The following CAMKMT variants were observed in gnomAD, a reference collection of about 807,000 sequenced individuals.
The protein encoded by CAMKMT is CaM KMT.
In CAMKMT, 53 loss-of-function variants were observed where a neutral mutation model predicts 48.0. The ratio of observed to expected loss-of-function variants is 1.10; its 90% CI spans 0.89 to 1.39. The LOEUF (loss-of-function observed/expected upper bound fraction) is 1.39. CAMKMT is among the 40% of genes most tolerant of loss of function. The probability of loss-of-function intolerance (pLI) is 0.00; values close to 1 mark genes in which losing one functional copy is unlikely to be tolerated. For missense variants in CAMKMT, 428 were observed against 402.7 expected (o/e 1.06, Z -0.54); for synonymous variants, 165 against 152.3 (o/e 1.08, Z -0.61).
At chr2:44,522,904 A>G (rs1339200520) in intron 3 of CAMKMT, among the ~76,000 whole-genome samples, 1 of 152,202 alleles carries the variant, frequency 6.6e-6, no homozygotes. Context: ...TTCCTTAGCT[A>G]GATCACAAAT....
At chr2:44,409,481 G>C (rs555916689) in intron 3 of CAMKMT, among the ~76,000 whole-genome samples, 1 of 152,132 alleles carries the variant, frequency 6.6e-6, no homozygotes, top group South Asian at 2.1e-4. Flanking sequence ...TCTAAAAGTA[G>C]ATGTTATTGC....
intron 3 of CAMKMT, among the ~76,000 whole-genome samples, chr2:44,612,297 G>A (rs1206337447): frequency 6.6e-6 from 1 of 152,146 alleles, no homozygotes; most frequent in Non-Finnish European, 1.5e-5. Flanking sequence ...GGGAGTAGCT[G>A]TCAACATGTG....
At chr2:44,574,310 G>A (rs1207207678) in intron 3 of CAMKMT, among the ~76,000 whole-genome samples, 2 of 152,196 alleles carry the variant, frequency 1.3e-5, no homozygotes, top group Non-Finnish European at 1.5e-5. Context: ...GGGTAGGTAT[G>A]TTGAATAAGT....
chr2:44,693,792 T>C (rs1303427034), intron 3 of CAMKMT, among the ~76,000 whole-genome samples: 2 of 152,218 alleles, frequency 1.3e-5, no homozygotes, highest in Non-Finnish European at 1.5e-5. Context: ...GCAGCTTTTC[T>C]TTTTAGTAAC....
chr2:44,516,451 T>C (rs1465029080), intron 3 of CAMKMT, among the ~76,000 whole-genome samples: 2 of 152,168 alleles, frequency 1.3e-5, no homozygotes, highest in Non-Finnish European at 2.9e-5. Flanking sequence ...GCCTAGTGAA[T>C]ATAACTAAGG....
Position 44,761,509 on chromosome 2 carries a change from A to G in CAMKMT, c.763-4921A>G, listed in dbSNP as rs1312865840. ...TTTTTTAGCCAGCACCCCAATTACA[A>G]AACAGATAAAAATGATGCAGCTTTA... On this transcript the variant is annotated intron_variant, in intron 9 of 10. Coordinates refer to ENST00000378494, the MANE Select transcript of CAMKMT (RefSeq NM_024766.5). 2.0e-5 allele frequency among the ~76,000 whole-genome samples: 3 copies of G among 152,320 alleles called. No homozygotes were observed. In the East Asian group the frequency reaches 5.8e-4, roughly 29 times the overall value.
chr2:44,614,918 A>C (rs74262151), intron 3 of CAMKMT, among the ~76,000 whole-genome samples: 8,798 of 116,124 alleles, frequency 0.076, 481 homozygotes, highest in Admixed American at 0.21. Flanking sequence ...CACTCTAACC[A>C]GCTCTTTGGT....
At chr2:44,457,485 A>AC (rs1305339423) in intron 3 of CAMKMT, among the ~76,000 whole-genome samples, 1 of 142,532 alleles carries the variant, frequency 7.0e-6, no homozygotes, top group Non-Finnish European at 1.5e-5. Flanking sequence ...TGCAACCTCC[A>AC]CCCCCCGGGT....
chr2:44,366,713 C>CTATTAT (rs1270276265), intron 1 of CAMKMT, among the ~76,000 whole-genome samples: 1 of 94,360 alleles, frequency 1.1e-5, no homozygotes, highest in Admixed American at 1.1e-4. Flanking sequence ...TAAATAGCAG[C>CTATTAT]TATTGTTATT....
At chr2:44,634,071 G>A (rs1334982353) in intron 3 of CAMKMT, among the ~76,000 whole-genome samples, 1 of 151,988 alleles carries the variant, frequency 6.6e-6, no homozygotes, top group Non-Finnish European at 1.5e-5. Flanking sequence ...TCTCTACTAT[G>A]GCTAGAAGTA....
intron 3 of CAMKMT, chr2:44,456,498 A>C: frequency 1.3e-6 from 2 of 1,526,498 alleles, no homozygotes; most frequent in Non-Finnish European, 1.8e-6. Context: ...AAACAAAAAG[A>C]CCTTGGAATG....
intron 3 of CAMKMT, among the ~76,000 whole-genome samples, chr2:44,696,186 G>T (rs1260331077): frequency 6.6e-6 from 1 of 152,028 alleles, no homozygotes; most frequent in Non-Finnish European, 1.5e-5. Flanking sequence ...TAAGTGATCT[G>T]CCCGCCTCAG....
chr2:44,703,730 A>T (rs1371716514), intron 3 of CAMKMT, among the ~76,000 whole-genome samples: 1 of 148,278 alleles, frequency 6.7e-6, no homozygotes, highest in East Asian at 2.0e-4. Flanking sequence ...GTGAGCTGAG[A>T]TCTCGCCACT....
chr2:44,674,095 C>T (rs1675524110), intron 3 of CAMKMT, among the ~76,000 whole-genome samples: 1 of 152,218 alleles, frequency 6.6e-6, no homozygotes, highest in South Asian at 2.1e-4. Context: ...TGTGGAATCA[C>T]TTATTGTCTG....
At chr2:44,754,956 T>C (rs948397854) in intron 9 of CAMKMT, among the ~76,000 whole-genome samples, 6 of 152,240 alleles carry the variant, frequency 3.9e-5, no homozygotes, top group African/African-American at 1.4e-4. Context: ...CATATTTATC[T>C]GAGAACACTG....
At chr2:44,754,187 G>C in intron 9 of CAMKMT, 69 bp downstream of exon 9, 1 of 1,214,648 alleles carries the variant, frequency 8.2e-7, no homozygotes, top group Non-Finnish European at 1.2e-6. Flanking sequence ...AAGATGGAGA[G>C]AGTAATGGAA....
chr2:44,719,471 G>A (rs761557581), intron 7 of CAMKMT, among the ~76,000 whole-genome samples: 6 of 152,142 alleles, frequency 3.9e-5, no homozygotes, highest in Non-Finnish European at 8.8e-5. Flanking sequence ...GGAAAAGGCC[G>A]TGCCTTCTTG....
intron 3 of CAMKMT, among the ~76,000 whole-genome samples, chr2:44,400,477 C>G (rs1401238139): frequency 6.6e-6 from 1 of 152,068 alleles, no homozygotes; most frequent in African/African-American, 2.4e-5. Flanking sequence ...TTTGCAATCC[C>G]TGATGCATAT....
intron 3 of CAMKMT, among the ~76,000 whole-genome samples, chr2:44,441,827 A>C (rs1429757717): frequency 6.6e-6 from 1 of 152,126 alleles, no homozygotes; most frequent in Non-Finnish European, 1.5e-5. Context: ...TTTTCTGTGC[A>C]TTTTGACATG....
Sources: gnomAD v4.1 joint callset for allele counts (sites outside exome capture counted in the v4.1 genomes callset) on GRCh38, gnomAD v4.1.1 for gene constraint, MANE v1.5 for transcripts, NCBI Gene and HGNC (gene_info 2026-07-23, HGNC 2026-07-21) for gene names.